Variants in DCC observed in about 807,000 individuals in gnomAD.
DCC encodes the protein netrin receptor DCC.
DCC carries 58 observed loss-of-function variants against 172.5 expected under a neutral mutation model. The observed-to-expected ratio is 0.34, with a 90% CI of 0.27 to 0.42. DCC has a LOEUF of 0.42. DCC is among the 10% of genes least tolerant of loss of function. The pLI, the probability that DCC is intolerant of heterozygous loss-of-function variation, is 1.00. For synonymous variants in DCC, 709 were observed against 644.5 expected, an observed-to-expected ratio of 1.10 and a Z score of -1.52; for missense variants, 1,740 against 1,791.0, an observed-to-expected ratio of 0.97 and a Z score of 0.51.
chr18:53,201,063 C>T (rs188182027), intron 9 of DCC, among the ~76,000 whole-genome samples: 1 of 152,084 alleles, frequency 6.6e-6, no homozygotes, highest in Admixed American at 6.5e-5. Flanking sequence ...TGTCACATCA[C>T]CCCATTGTGC....
rs181293763 is a variant in DCC, at chr18:52,342,352, G to A, written c.91+1474G>A. Among the ~76,000 whole-genome samples the A allele has an allele frequency of 2.5e-4, 38 of 151,926 alleles. 1 individual carries two copies. The East Asian group carries it at 7.4e-3, about 30-fold the overall frequency. ...CGTACCCGCATCCCCGCGCTTAGCC[G>A]CTGGTGCTCCCTCCCTCCGTCTGTC... On this transcript the variant is annotated intron_variant, in intron 1 of 28. Coordinates refer to ENST00000442544, the MANE Select transcript of DCC (RefSeq NM_005215.4).
chr18:52,969,582 C>CCCCTCTCT lies in DCC; in HGVS notation c.985+44213_985+44214insCCTCTCTC, dbSNP rs1555689589. Among the ~76,000 whole-genome samples the CCCCTCTCT allele has an allele frequency of 1.0e-4, 8 of 80,082 alleles. No homozygotes were observed. In the South Asian group the frequency reaches 1.5e-3, roughly 15 times the overall value. The allele number at this position is 80,082 out of a possible 152,430, so 52.5% of individuals were successfully genotyped here. A position where few individuals can be genotyped will look rare whatever the true frequency, so the allele number is the denominator to read the frequency against. On this transcript the variant is annotated intron_variant, in intron 5 of 28. Transcript: ENST00000442544. ...GCAATTTCCTTATTTGCCCCGCCCC[C>CCCCTCTCT]CACTCTCTCTCTCTCTCTCTCTCTC...
chr18:53,240,626 A>G (rs2056278539), intron 12 of DCC, among the ~76,000 whole-genome samples: 1 of 152,176 alleles, frequency 6.6e-6, no homozygotes, highest in Non-Finnish European at 1.5e-5. Flanking sequence ...CAATCTAGCC[A>G]TTGTTTCCCT....
intron 12 of DCC, among the ~76,000 whole-genome samples, chr18:53,229,549 C>T (rs1420533844): frequency 1.3e-5 from 2 of 152,104 alleles, no homozygotes. Context: ...CCTCCCAGCT[C>T]TGTTTTCAGT....
intron 7 of DCC, among the ~76,000 whole-genome samples, chr18:53,117,538 C>A (rs2043425352): frequency 6.6e-6 from 1 of 151,746 alleles, no homozygotes; most frequent in Non-Finnish European, 1.5e-5. Flanking sequence ...GTTTCAAAAT[C>A]AATGGTTTTC....
At chr18:52,804,367 C>A (rs938703298) in intron 2 of DCC, among the ~76,000 whole-genome samples, 1 of 152,148 alleles carries the variant, frequency 6.6e-6, no homozygotes, top group African/African-American at 2.4e-5. Context: ...TAAAGCCAGG[C>A]CACTCATGAC....
chr18:52,945,592 A>C (rs113161944), intron 5 of DCC, among the ~76,000 whole-genome samples: 1,836 of 152,322 alleles, frequency 0.012, 28 homozygotes, highest in African/African-American at 0.041. Flanking sequence ...AAATGCCTTT[A>C]ATCAAATTAC....
intron 1 of DCC, among the ~76,000 whole-genome samples, chr18:52,560,532 C>T (rs1044341946): frequency 4.6e-5 from 7 of 152,074 alleles, no homozygotes; most frequent in African/African-American, 1.7e-4. Flanking sequence ...AACTAGTGAG[C>T]TCTCCCAGAT....
At chr18:52,395,244 T>A (rs1355936933) in intron 1 of DCC, among the ~76,000 whole-genome samples, 1 of 152,098 alleles carries the variant, frequency 6.6e-6, no homozygotes, top group Admixed American at 6.6e-5. Context: ...TGAAATTTAC[T>A]ATTGGCTAGG....
In DCC at chr18:52,395,042, A is replaced by G. The variant is rs1598781503; in HGVS notation, c.91+54164A>G. On this transcript the variant is annotated intron_variant, in intron 1 of 28. Transcript: ENST00000442544. The stretch of plus-strand genomic sequence containing the variant: ...GGAAATGGGAGAGGGGAAAAACAGT[A>G]CCCTGTAACATCTATCAACTGTACA... Among the ~76,000 whole-genome samples, 4 of 152,160 alleles carry G rather than the reference A, an allele frequency of 2.6e-5. No individual in the cohort carries two copies. In the South Asian group the frequency reaches 8.3e-4, roughly 32 times the overall value.
At chr18:53,073,025 A>G (rs1420417718) in intron 7 of DCC, among the ~76,000 whole-genome samples, 3 of 152,246 alleles carry the variant, frequency 2.0e-5, no homozygotes, top group Admixed American at 6.5e-5. Flanking sequence ...TAACTGCTCA[A>G]TAAATGTAAT....
At chr18:52,970,814 T>C (rs2041016921) in intron 5 of DCC, among the ~76,000 whole-genome samples, 1 of 152,132 alleles carries the variant, frequency 6.6e-6, no homozygotes, top group African/African-American at 2.4e-5. Context: ...TTCTATGTAG[T>C]TAGTAACAAG....
chr18:52,358,623 A>G (rs190067118), intron 1 of DCC, among the ~76,000 whole-genome samples: 207 of 152,346 alleles, frequency 1.4e-3, no homozygotes, highest in African/African-American at 4.7e-3. Context: ...CAATATGAAC[A>G]TAACCAAAAT....
chr18:52,842,252 A>C (rs1466049142), intron 2 of DCC, among the ~76,000 whole-genome samples: 1 of 152,124 alleles, frequency 6.6e-6, no homozygotes, highest in Non-Finnish European at 1.5e-5. Context: ...ACATATATAC[A>C]TAGTAGGAGA....
intron 10 of DCC, 70 bp from the exon 11 acceptor site, chr18:53,207,609 G>T: frequency 1.4e-6 from 2 of 1,396,986 alleles, no homozygotes; most frequent in Non-Finnish European, 2.0e-6. Flanking sequence ...TTCACTGATT[G>T]CACAGAATGA....
At chr18:52,690,010 T>A (rs1042854764) in intron 1 of DCC, among the ~76,000 whole-genome samples, 17 of 152,148 alleles carry the variant, frequency 1.1e-4, no homozygotes, top group African/African-American at 4.1e-4. Flanking sequence ...TGTGACATAT[T>A]CATTCAGTCA....
intron 1 of DCC, among the ~76,000 whole-genome samples, chr18:52,412,529 T>C (rs565468384): frequency 1.4e-4 from 22 of 152,286 alleles, no homozygotes; most frequent in Admixed American, 1.0e-3. Flanking sequence ...TAAAATTTGA[T>C]GAAACATCAA....
At chr18:52,913,321 A>G (rs1449268561) in intron 3 of DCC, among the ~76,000 whole-genome samples, 1 of 152,052 alleles carries the variant, frequency 6.6e-6, no homozygotes, top group East Asian at 1.9e-4. Flanking sequence ...TACATAGACC[A>G]TTTCTGTTTG....
At chr18:52,941,502 GTA>G (rs1555684832) in intron 5 of DCC, among the ~76,000 whole-genome samples, 15 of 148,932 alleles carry the variant, frequency 1.0e-4, no homozygotes, top group African/African-American at 2.2e-4. Flanking sequence ...GTGTGTGTGT[GTA>G]TATATATATA....
Sources: allele counts gnomAD v4.1 joint callset (sites outside exome capture counted in the v4.1 genomes callset), GRCh38; gene constraint gnomAD v4.1.1; transcripts MANE v1.5; gene names NCBI Gene and HGNC (gene_info 2026-07-23, HGNC 2026-07-21).